The following PCDH15 variants were observed in gnomAD, a reference collection of about 807,000 sequenced individuals.
PCDH15 encodes protocadherin related 15.
PCDH15 carries 129 observed loss-of-function variants against 178.5 expected under a neutral mutation model. The ratio of observed to expected loss-of-function variants is 0.72; its 90% CI spans 0.63 to 0.84. PCDH15 has a LOEUF of 0.84. Ranked by LOEUF, PCDH15 falls within the 40% of genes least tolerant of loss-of-function variation. PCDH15 has a pLI of 0.00. For missense variants in PCDH15, 2,230 were observed against 2,099.9 expected, an observed-to-expected ratio of 1.06 and a Z score of -1.21; for synonymous variants, 800 against 732.0, an observed-to-expected ratio of 1.09 and a Z score of -1.50.
At chr10:54,295,026 TG>T (rs2133109299) in intron 8 of PCDH15, among the ~76,000 whole-genome samples, 1 of 152,326 alleles carries the variant, frequency 6.6e-6, no homozygotes, top group African/African-American at 2.4e-5. Flanking sequence ...GATGGTCTTC[TG>T]TTTTTTTGTA....
At chr10:55,333,174 AAG>A (rs894751241) in intron 2 of PCDH15, among the ~76,000 whole-genome samples, 1 of 152,176 alleles carries the variant, frequency 6.6e-6, no homozygotes, top group African/African-American at 2.4e-5. Flanking sequence ...ACATCATAAT[AAG>A]AGAGAGAACT....
chr10:54,270,830 G>A (rs1285650054), intron 8 of PCDH15, among the ~76,000 whole-genome samples: 2 of 152,090 alleles, frequency 1.3e-5, no homozygotes, highest in Non-Finnish European at 2.9e-5. Context: ...ACGTTGATAA[G>A]AACAGGGCTT....
chr10:54,261,490 C>T (rs551748343), intron 8 of PCDH15, among the ~76,000 whole-genome samples: 12 of 151,536 alleles, frequency 7.9e-5, no homozygotes, highest in Admixed American at 1.3e-4. Flanking sequence ...GACCTGTAAG[C>T]ATTTGGAAAA....
chr10:54,442,435 T>C (rs1311006131), intron 3 of PCDH15, among the ~76,000 whole-genome samples: 9 of 117,470 alleles, frequency 7.7e-5, no homozygotes, highest in African/African-American at 3.4e-4. Flanking sequence ...TATATATATA[T>C]ATATATATAT....
intron 9 of PCDH15, among the ~76,000 whole-genome samples, chr10:54,222,505 CAAT>C (rs1039808268): frequency 6.6e-6 from 1 of 152,146 alleles, no homozygotes; most frequent in Non-Finnish European, 1.5e-5. Flanking sequence ...TGCTGTGTAT[CAAT>C]AATATTATAT....
intron 3 of PCDH15, among the ~76,000 whole-genome samples, chr10:54,835,470 T>A (rs955505123): frequency 2.6e-5 from 4 of 152,118 alleles, no homozygotes; most frequent in African/African-American, 9.7e-5. Context: ...CATATCCATA[T>A]ATAATTTCCA....
At chr10:54,248,876 T>C (rs1236282995) in intron 8 of PCDH15, among the ~76,000 whole-genome samples, 1 of 151,990 alleles carries the variant, frequency 6.6e-6, no homozygotes, top group Non-Finnish European at 1.5e-5. Flanking sequence ...TAACAAAATA[T>C]AGTAGAAAAT....
At chr10:55,195,831 C>T (rs1206248844) in intron 1 of PCDH15, among the ~76,000 whole-genome samples, 1 of 151,982 alleles carries the variant, frequency 6.6e-6, no homozygotes, top group Non-Finnish European at 1.5e-5. Flanking sequence ...ATCTGTGCTT[C>T]CATTTTGAAA....
At chr10:54,517,420 G>A (rs2082349420) in intron 3 of PCDH15, among the ~76,000 whole-genome samples, 1 of 152,102 alleles carries the variant, frequency 6.6e-6, no homozygotes, top group South Asian at 2.1e-4. Flanking sequence ...CCTAGTCTCT[G>A]ATAAAACAGA....
chr10:53,946,517 A>T (rs2086589058), intron 23 of PCDH15, among the ~76,000 whole-genome samples: 2 of 152,294 alleles, frequency 1.3e-5, no homozygotes, highest in South Asian at 4.1e-4. Flanking sequence ...CTCTTTCCTT[A>T]TCAATATGTG....
chr10:55,060,991 G>A (rs891061442), intron 2 of PCDH15, among the ~76,000 whole-genome samples: 5 of 151,958 alleles, frequency 3.3e-5, no homozygotes, highest in Non-Finnish European at 5.9e-5. Context: ...AGAAAAAAAG[G>A]AGAAATTCTC....
chr10:53,911,976 T>C (rs2083130196), intron 25 of PCDH15, among the ~76,000 whole-genome samples: 1 of 152,126 alleles, frequency 6.6e-6, no homozygotes, highest in South Asian at 2.1e-4. Context: ...TACCAAAGCC[T>C]GGCAGAGACA....
At chr10:55,001,241 TC>T (rs1339732237) in intron 2 of PCDH15, among the ~76,000 whole-genome samples, 1 of 152,196 alleles carries the variant, frequency 6.6e-6, no homozygotes. Context: ...CCAGTAAGGC[TC>T]CTTTCTTCCT....
intron 2 of PCDH15, among the ~76,000 whole-genome samples, chr10:54,610,806 A>G (rs2092936169): frequency 6.6e-6 from 1 of 151,918 alleles, no homozygotes; most frequent in African/African-American, 2.4e-5. Context: ...TTAATGGATC[A>G]GCTTTTGTCT....
intron 2 of PCDH15, among the ~76,000 whole-genome samples, chr10:55,434,203 C>A (rs1211562912): frequency 1.3e-5 from 2 of 150,880 alleles, no homozygotes; most frequent in Non-Finnish European, 3.0e-5. Flanking sequence ...GCCTCAGCCT[C>A]CCTACAGGCG....
intron 29 of PCDH15, among the ~76,000 whole-genome samples, chr10:53,834,910 C>G (rs1162748204): frequency 6.6e-6 from 1 of 152,118 alleles, no homozygotes; most frequent in Non-Finnish European, 1.5e-5. Flanking sequence ...AGATTGTACT[C>G]TAGACAGTAG....
At chr10:55,400,468 A>C (rs1224153241) in intron 2 of PCDH15, among the ~76,000 whole-genome samples, 1 of 152,184 alleles carries the variant, frequency 6.6e-6, no homozygotes, top group Non-Finnish European at 1.5e-5. Context: ...CACTACATTT[A>C]GAATAAAACG....
At chr10:54,591,397 A>G (rs1327434204) in intron 2 of PCDH15, among the ~76,000 whole-genome samples, 2 of 152,188 alleles carry the variant, frequency 1.3e-5, no homozygotes, top group Non-Finnish European at 2.9e-5. Context: ...AGTTTTGAAA[A>G]CAAAAGGAGT....
intron 2 of PCDH15, among the ~76,000 whole-genome samples, chr10:55,474,222 C>T (rs1840019723): frequency 6.6e-6 from 1 of 152,072 alleles, no homozygotes; most frequent in African/African-American, 2.4e-5. Flanking sequence ...AAGGAGCATC[C>T]AGACAGAAGA....
Sources: gnomAD v4.1 joint callset for allele counts (sites outside exome capture counted in the v4.1 genomes callset) on GRCh38, gnomAD v4.1.1 for gene constraint, MANE v1.5 for transcripts, NCBI Gene and HGNC (gene_info 2026-07-23, HGNC 2026-07-21) for gene names.